CERT1: variants seen among roughly 807,000 people sequenced by gnomAD.
CERT1 encodes the protein ceramide transporter 1.
Under a neutral mutation model 87.9 loss-of-function variants are expected in CERT1, and 31 were observed. That is an observed-to-expected ratio of 0.35 (90% confidence interval 0.27 to 0.48). The LOEUF is 0.48. Among genes scored for constraint, CERT1 ranks in the 20% least tolerant of loss-of-function variants. CERT1 has a pLI of 0.99. For missense variants in CERT1, 487 were observed against 758.0 expected (o/e 0.64, Z 4.20); for synonymous variants, 289 against 250.9 (o/e 1.15, Z -1.44).
chr5:75,428,523 A>G (rs1763722504), intron 3 of CERT1, among the ~76,000 whole-genome samples: 1 of 152,098 alleles, frequency 6.6e-6, no homozygotes, highest in Non-Finnish European at 1.5e-5. Flanking sequence ...CTAAAAATAC[A>G]CAAAATTAGC....
intron 14 of CERT1, 118 bp from the exon 15 acceptor site, chr5:75,382,195 A>G: frequency 1.3e-6 from 1 of 794,890 alleles, no homozygotes; most frequent in Non-Finnish European, 2.0e-6. Context: ...AATGGAAAGC[A>G]TCTGAGGATA....
At chr5:75,396,724 C>T (rs1352387712) in intron 11 of CERT1, among the ~76,000 whole-genome samples, 3 of 125,128 alleles carry the variant, frequency 2.4e-5, no homozygotes, top group East Asian at 2.1e-4. Flanking sequence ...AGCGAAACTC[C>T]GTCTCAAAAA....
downstream of CERT1, chr5:75,372,827 C>T (rs919995317): frequency 1.3e-5 from 2 of 152,088 alleles, no homozygotes; most frequent in African/African-American, 2.4e-5. Flanking sequence ...CATGATTTTC[C>T]GCTTTACAAA....
At chr5:75,421,084 C>G (rs113404353) in intron 5 of CERT1, among the ~76,000 whole-genome samples, 57 of 152,330 alleles carry the variant, frequency 3.7e-4, no homozygotes, top group African/African-American at 8.9e-4. Flanking sequence ...GCTGGGATTA[C>G]AGGTGTAAGC....
intron 3 of CERT1, 38 bp downstream of exon 3, chr5:75,459,027 C>A (rs1033490490): frequency 8.5e-7 from 1 of 1,173,222 alleles, no homozygotes. Context: ...AATCTCTTAC[C>A]TAGTCCTCCA....
chr5:75,370,778 CCT>C (rs1165971118), intron 17 of CERT1: 2 of 151,906 alleles, frequency 1.3e-5, no homozygotes, highest in African/African-American at 4.8e-5. Context: ...ATGGCGAAAC[CCT>C]GTCTCTACTA....
At chr5:75,490,440 C>G (rs966978778) in intron 2 of CERT1, among the ~76,000 whole-genome samples, 3 of 150,172 alleles carry the variant, frequency 2.0e-5, no homozygotes, top group Admixed American at 2.0e-4. Flanking sequence ...TCCTTTTTAT[C>G]TTACTTTCAT....
intron 14 of CERT1, among the ~76,000 whole-genome samples, chr5:75,382,343 A>G (rs981451430): frequency 5.3e-5 from 8 of 152,172 alleles, no homozygotes; most frequent in Non-Finnish European, 8.8e-5. Flanking sequence ...TTAGGGTACA[A>G]TTCAGGGACA....
intron 2 of CERT1, among the ~76,000 whole-genome samples, chr5:75,462,412 G>A (rs753756671): frequency 2.0e-5 from 3 of 152,094 alleles, no homozygotes; most frequent in Non-Finnish European, 2.9e-5. Context: ...AATAGTTCAC[G>A]ATAGGGTTTG....
intron 8 of CERT1, among the ~76,000 whole-genome samples, chr5:75,406,476 T>C (rs1414729893): frequency 1.3e-5 from 2 of 152,186 alleles, no homozygotes; most frequent in Admixed American, 6.5e-5. Flanking sequence ...TTAGGCAGGA[T>C]CCTTATAAGC....
At chr5:75,416,457 G>C (rs1763138643) in intron 7 of CERT1, among the ~76,000 whole-genome samples, 1 of 152,096 alleles carries the variant, frequency 6.6e-6, no homozygotes, top group Non-Finnish European at 1.5e-5. Context: ...ATGTTAAATG[G>C]TATCACTGAC....
chr5:75,477,973 C>T (rs539496613), intron 2 of CERT1, among the ~76,000 whole-genome samples: 4 of 151,966 alleles, frequency 2.6e-5, no homozygotes, highest in South Asian at 4.1e-4. Context: ...ACTTAACAAA[C>T]CCCACTTAAA....
intron 2 of CERT1, among the ~76,000 whole-genome samples, chr5:75,500,464 C>T (rs930281866): frequency 1.3e-5 from 2 of 152,126 alleles, no homozygotes; most frequent in African/African-American, 4.8e-5. Flanking sequence ...CTACTTCACG[C>T]TATTTGAGTT....
rs570106533 is a variant in CERT1 at position 75,406,601 on chromosome 5, C to T, written c.931-3543G>A. Among the ~76,000 whole-genome samples, 3 of 148,868 alleles carry T rather than the reference C, an allele frequency of 2.0e-5. No homozygotes were observed. The East Asian group carries it at 6.0e-4, about 30-fold the overall frequency. On this transcript the variant is annotated intron_variant, in intron 8 of 16. Coordinates refer to ENST00000643780, the MANE Select transcript of CERT1 (RefSeq NM_001379029.1). ...GGTTGCCCAGGCTGGAGTGCAGTAGCGAGGTCTTGGCTCACTGCAGCTTCC... is the reference window on the plus strand; with the variant it reads ...GGTTGCCCAGGCTGGAGTGCAGTAGTGAGGTCTTGGCTCACTGCAGCTTCC...
At chr5:75,434,495 T>C (rs1280584598) in intron 3 of CERT1, among the ~76,000 whole-genome samples, 2 of 152,156 alleles carry the variant, frequency 1.3e-5, no homozygotes, top group African/African-American at 4.8e-5. Context: ...AGAATGATGC[T>C]GGCCTCAGAA....
chr5:75,432,058 T>A (rs73118902), intron 3 of CERT1, among the ~76,000 whole-genome samples: 1 of 134,386 alleles, frequency 7.4e-6, no homozygotes. Context: ...TCCCCCCCCC[T>A]TTTTTTTTTT....
At position 75,426,493 on chromosome 5, in the gene CERT1, A is replaced by C; in HGVS notation, c.349-15T>G. 2.6e-6 allele frequency: 4 copies of C among 1,530,166 alleles called. No homozygotes were observed. The highest frequency in any genetic ancestry group is 3.6e-6 in the Non-Finnish European group (4 of 1,107,944). 94.8% of individuals were successfully genotyped at this position (1,530,166 alleles called of 1,614,324 possible). On this transcript the variant is annotated splice_polypyrimidine_tract_variant and intron_variant, in intron 3 of 16. Coordinates refer to ENST00000643780, the MANE Select transcript of CERT1 (RefSeq NM_001379029.1). Reference sequence around the variant, plus strand: ...CCAGATTCAGTCTAAAAAAAAAAGTAAACTATGTGAAAAGAATTTAAATAA... The same window carrying C: ...CCAGATTCAGTCTAAAAAAAAAAGTCAACTATGTGAAAAGAATTTAAATAA...
At chr5:75,394,019 T>C (rs1416843673) in intron 11 of CERT1, among the ~76,000 whole-genome samples, 4 of 152,102 alleles carry the variant, frequency 2.6e-5, no homozygotes, top group Non-Finnish European at 4.4e-5. Context: ...TAGAGGGGGC[T>C]TGTTAGATAG....
intron 16 of CERT1, 35 bp from the exon 17 acceptor site, chr5:75,379,508 T>TA (rs750059205): frequency 1.3e-6 from 2 of 1,589,014 alleles, no homozygotes; most frequent in South Asian, 1.1e-5. Flanking sequence ...TGTATTAAGA[T>TA]ACAATTCTCC....
Sources: allele counts gnomAD v4.1 joint callset (sites outside exome capture counted in the v4.1 genomes callset), GRCh38; gene constraint gnomAD v4.1.1; transcripts MANE v1.5; gene names NCBI Gene and HGNC (gene_info 2026-07-23, HGNC 2026-07-21).